The following CA10 variants were observed in gnomAD, a reference collection of about 807,000 sequenced individuals.
CA10 encodes carbonic anhydrase-related protein 10.
Under a neutral mutation model 44.2 loss-of-function variants are expected in CA10, and 14 were observed. The ratio of observed to expected loss-of-function variants is 0.32; its 90% CI spans 0.21 to 0.50. The LOEUF (loss-of-function observed/expected upper bound fraction) is 0.50. Ranked by LOEUF, CA10 falls within the 20% of genes least tolerant of loss-of-function variation. The pLI is 0.99. For synonymous variants in CA10, 159 were observed against 141.6 expected (o/e 1.12, Z -0.87); for missense variants, 350 against 409.7 (o/e 0.85, Z 1.26).
chr17:51,808,274 TTATC>T (rs1314756248), intron 3 of CA10, among the ~76,000 whole-genome samples: 84 of 152,330 alleles, frequency 5.5e-4, no homozygotes, highest in African/African-American at 2.0e-3. Flanking sequence ...CAATAAATGT[TTATC>T]TAATGGGTTT....
At chr17:51,936,415 G>T (rs1440284296) in intron 2 of CA10, among the ~76,000 whole-genome samples, 1 of 152,080 alleles carries the variant, frequency 6.6e-6, no homozygotes, top group Non-Finnish European at 1.5e-5. Flanking sequence ...GGTCAAGGGT[G>T]GTCTCTCTGG....
At chr17:52,103,016 T>G (rs560934398) in intron 1 of CA10, among the ~76,000 whole-genome samples, 1 of 152,274 alleles carries the variant, frequency 6.6e-6, no homozygotes, top group Non-Finnish European at 1.5e-5. Context: ...ACTTCTCACT[T>G]CTTTTTGTTG....
chr17:52,041,576 T>C (rs1431107444), intron 2 of CA10, among the ~76,000 whole-genome samples: 2 of 152,162 alleles, frequency 1.3e-5, no homozygotes, highest in Non-Finnish European at 2.9e-5. Flanking sequence ...TTACATTTTG[T>C]GTGAATGTGT....
intron 3 of CA10, among the ~76,000 whole-genome samples, chr17:51,830,809 A>G (rs1418274385): frequency 6.6e-6 from 1 of 152,164 alleles, no homozygotes; most frequent in South Asian, 2.1e-4. Context: ...TGGCTGCTCC[A>G]TATCTTCCCC....
At chr17:52,108,202 A>ATATATATATATTT (rs1988707276) in intron 1 of CA10, among the ~76,000 whole-genome samples, 1 of 20,746 alleles carries the variant, frequency 4.8e-5, no homozygotes, top group South Asian at 2.5e-3. Context: ...TTTTATATAT[A>ATATATATATATTT]TATATATATA....
At chr17:52,095,023 G>A (rs538276950) in intron 1 of CA10, among the ~76,000 whole-genome samples, 2 of 152,254 alleles carry the variant, frequency 1.3e-5, no homozygotes, top group African/African-American at 4.8e-5. Flanking sequence ...GTACAAGAAT[G>A]TTTACATCAG....
intron 3 of CA10, among the ~76,000 whole-genome samples, chr17:51,860,665 T>C (rs1022666771): frequency 1.3e-5 from 2 of 152,336 alleles, no homozygotes; most frequent in Non-Finnish European, 1.5e-5. Flanking sequence ...TCTAATGATA[T>C]ATTTATATAT....
At chr17:52,040,983 C>G (rs948656553) in intron 2 of CA10, among the ~76,000 whole-genome samples, 3 of 151,850 alleles carry the variant, frequency 2.0e-5, no homozygotes, top group Non-Finnish European at 2.9e-5. Flanking sequence ...GGTAAAGGGG[C>G]AATACACAGG....
rs1188670886 is a variant in CA10, at chr17:52,081,618, G to A, written c.62-9225C>T. Among the ~76,000 whole-genome samples, 3 of 151,966 alleles carry A rather than the reference G, an allele frequency of 2.0e-5. No homozygotes were observed. The East Asian group carries it at 5.8e-4, about 29-fold the overall frequency. On this transcript the variant is annotated intron_variant, in intron 1 of 8. Transcript: ENST00000451037. Reference sequence around the variant, plus strand: ...GATCGAGACCATCCCGGCTAAAACGGTGAAACCCCGTCTCTACTAAAAATA... The same window carrying A: ...GATCGAGACCATCCCGGCTAAAACGATGAAACCCCGTCTCTACTAAAAATA...
chr17:51,654,160 G>A (rs1913689145), intron 4 of CA10, among the ~76,000 whole-genome samples: 1 of 152,182 alleles, frequency 6.6e-6, no homozygotes, highest in African/African-American at 2.4e-5. Flanking sequence ...GAGCAAACAG[G>A]GAGCTGTTAG....
intron 3 of CA10, among the ~76,000 whole-genome samples, chr17:51,754,400 G>GAT (rs56145404): frequency 0.011 from 821 of 72,730 alleles, 14 homozygotes; most frequent in Non-Finnish European, 0.013. Flanking sequence ...GTGTGTGTGT[G>GAT]ATATATATAT....
chr17:51,769,409 G>A (rs1164800595), intron 3 of CA10, among the ~76,000 whole-genome samples: 1 of 152,192 alleles, frequency 6.6e-6, no homozygotes, highest in Non-Finnish European at 1.5e-5. Context: ...AAAATGGTAA[G>A]TGCTAAGACA....
chr17:51,892,042 C>T (rs557514717), intron 3 of CA10, among the ~76,000 whole-genome samples: 11 of 152,288 alleles, frequency 7.2e-5, no homozygotes, highest in South Asian at 6.2e-4. Context: ...TCATGGCATT[C>T]GCCAGAGAAC....
chr17:51,972,776 GA>G lies in CA10; in HGVS notation c.137-41645del, dbSNP rs568126311. 1.1e-3 allele frequency among the ~76,000 whole-genome samples: 162 copies of G among 143,862 alleles called. 1 individual carries two copies. The highest frequency in any genetic ancestry group is 3.6e-3 in the African/African-American group (143 of 39,296). The allele number at this position is 143,862 out of a possible 152,430, so 94.4% of individuals were successfully genotyped here. A position where few individuals can be genotyped will look rare whatever the true frequency, so the allele number is the denominator to read the frequency against. On this transcript the variant is annotated intron_variant, in intron 2 of 8. Transcript: ENST00000451037. ...GTAAGTAAAGGAGAGAAGTAATAAA[GA>G]AAAAAAAAACAGAAATCTAAAACCA... is the stretch of plus-strand genomic sequence containing the variant.
chr17:51,763,723 A>C (rs1028910819), intron 3 of CA10, among the ~76,000 whole-genome samples: 2 of 151,996 alleles, frequency 1.3e-5, no homozygotes, highest in African/African-American at 4.8e-5. Flanking sequence ...TATTTTCATG[A>C]GTTCCTTTCA....
chr17:51,765,479 A>G (rs917246929), intron 3 of CA10, among the ~76,000 whole-genome samples: 23 of 152,206 alleles, frequency 1.5e-4, no homozygotes, highest in African/African-American at 5.5e-4. Context: ...TATGGGCCAG[A>G]GAATTAGAGG....
chr17:51,831,689 A>AGCGGCAGCG (rs1908262738), intron 3 of CA10, among the ~76,000 whole-genome samples: 1 of 78,630 alleles, frequency 1.3e-5, no homozygotes, highest in Non-Finnish European at 3.0e-5. Context: ...CAGCAGCAGC[A>AGCGGCAGCG]GCAGCAGCAG....
At chr17:52,138,960 A>G (rs908350133) in intron 1 of CA10, among the ~76,000 whole-genome samples, 4 of 152,226 alleles carry the variant, frequency 2.6e-5, no homozygotes, top group African/African-American at 9.6e-5. Context: ...GAGTGCTCCT[A>G]GAAAATTGGA....
intron 3 of CA10, among the ~76,000 whole-genome samples, chr17:51,926,549 A>C (rs910082928): frequency 1.6e-4 from 24 of 152,168 alleles, no homozygotes; most frequent in Admixed American, 2.6e-4. Flanking sequence ...CTGGGCTAAA[A>C]TTAAAGTGTC....
Sources: allele counts gnomAD v4.1 joint callset (sites outside exome capture counted in the v4.1 genomes callset), GRCh38; gene constraint gnomAD v4.1.1; transcripts MANE v1.5; gene names NCBI Gene and HGNC (gene_info 2026-07-23, HGNC 2026-07-21).